Variants in RUNX1T1 observed in about 807,000 individuals in gnomAD.
RUNX1T1 encodes the protein RUNX1 partner transcriptional co-repressor 1.
A neutral mutation model predicts 62.8 loss-of-function variants in RUNX1T1; 4 were observed. The ratio of observed to expected loss-of-function variants is 0.06; its 90% CI spans 0.03 to 0.15. The LOEUF is 0.15. Ranked by LOEUF, RUNX1T1 falls within the 10% of genes least tolerant of loss-of-function variation. The probability of loss-of-function intolerance (pLI) is 1.00; values close to 1 mark genes in which losing one functional copy is unlikely to be tolerated. For synonymous variants in RUNX1T1, 291 were observed against 286.0 expected, an observed-to-expected ratio of 1.02 and a Z score of -0.18; for missense variants, 508 against 754.3, an observed-to-expected ratio of 0.67 and a Z score of 3.82.
intron 1 of RUNX1T1, among the ~76,000 whole-genome samples, chr8:92,083,653 G>C (rs187687746): frequency 6.6e-6 from 1 of 152,184 alleles, no homozygotes; most frequent in African/African-American, 2.4e-5. Flanking sequence ...TGTTGGTGGG[G>C]GTATAAATTA....
Position 91,959,426 on chromosome 8 carries a change from G to C in RUNX1T1, c.*816C>G, listed in dbSNP as rs1009680335. The C allele has an allele frequency of 4.3e-4, 40 of 93,110 alleles. 3 individuals carry two copies. The highest frequency in any genetic ancestry group is 2.8e-3 in the African/African-American group (33 of 11,880). 5.8% of individuals were successfully genotyped at this position (93,110 alleles called of 1,614,324 possible). On this transcript the variant is annotated 3_prime_UTR_variant, in exon 11 of 11. Coordinates refer to ENST00000396218, the Ensembl canonical transcript of RUNX1T1. ...GAGTCTCTTACTTGTGTGTGTGTGTGTGTGTGTGTGTGTGTGTGTGTGTGT... is the reference window on the plus strand; with the variant it reads ...GAGTCTCTTACTTGTGTGTGTGTGTCTGTGTGTGTGTGTGTGTGTGTGTGT...
At chr8:91,974,341 C>T (rs771694383) in intron 9 of RUNX1T1, among the ~76,000 whole-genome samples, 9 of 152,078 alleles carry the variant, frequency 5.9e-5, no homozygotes, top group Non-Finnish European at 1.0e-4. Context: ...TCTATTCTCA[C>T]TTAATAGCAG....
At chr8:92,055,544 C>G (rs933638538) in intron 1 of RUNX1T1, among the ~76,000 whole-genome samples, 1 of 152,118 alleles carries the variant, frequency 6.6e-6, no homozygotes. Context: ...TGGATGCAAG[C>G]GATCCTCTTG....
At chr8:91,969,163 A>G (rs1586728695) in intron 10 of RUNX1T1, among the ~76,000 whole-genome samples, 2 of 152,350 alleles carry the variant, frequency 1.3e-5, no homozygotes, top group African/African-American at 4.8e-5. Context: ...ACTGTTTAAC[A>G]GGGTTTATTT....
chr8:91,971,964 C>CA (rs1812932428), intron 9 of RUNX1T1, among the ~76,000 whole-genome samples: 1 of 152,074 alleles, frequency 6.6e-6, no homozygotes, highest in Non-Finnish European at 1.5e-5. Flanking sequence ...TTATTCAAAG[C>CA]AAAATGACAA....
At chr8:91,970,043 T>TGTGTGTGTGTGTTGTGTGTG (rs11374252) in intron 10 of RUNX1T1, among the ~76,000 whole-genome samples, 1,688 of 142,764 alleles carry the variant, frequency 0.012, 43 homozygotes, top group African/African-American at 0.042. Flanking sequence ...TGTGTGTGTG[T>TGTGTGTGTGTGTTGTGTGTG]TGTGTGTGTG....
chr8:92,020,957 CTTG>C (rs1488514127), intron 1 of RUNX1T1, among the ~76,000 whole-genome samples: 11 of 151,436 alleles, frequency 7.3e-5, no homozygotes, highest in Admixed American at 3.3e-4. Context: ...CTGCATTTTC[CTTG>C]TTTACATAGC....
chr8:91,977,978 G>C (rs1814354034), intron 8 of RUNX1T1, among the ~76,000 whole-genome samples: 1 of 151,988 alleles, frequency 6.6e-6, no homozygotes, highest in Non-Finnish European at 1.5e-5. Context: ...AGTAGAGATG[G>C]GGTTTCACCA....
chr8:91,956,624 C>G, downstream of RUNX1T1: 1 of 223,986 alleles, frequency 4.5e-6, no homozygotes, highest in Non-Finnish European at 8.9e-6. Context: ...AAACAAGAAA[C>G]CACAGTTCAG....
chr8:92,041,719 G>C (rs1415917975), intron 1 of RUNX1T1, among the ~76,000 whole-genome samples: 2 of 152,072 alleles, frequency 1.3e-5, no homozygotes, highest in African/African-American at 4.8e-5. Flanking sequence ...TCCAGCCTGG[G>C]TGACAGAGCA....
At chr8:92,058,357 T>A (rs934597397) in intron 1 of RUNX1T1, among the ~76,000 whole-genome samples, 1 of 152,190 alleles carries the variant, frequency 6.6e-6, no homozygotes, top group African/African-American at 2.4e-5. Context: ...CAAACAATTA[T>A]AAAATAAATT....
chr8:92,035,163 C>T (rs769104864), intron 1 of RUNX1T1, among the ~76,000 whole-genome samples: 51 of 151,854 alleles, frequency 3.4e-4, no homozygotes, highest in Non-Finnish European at 6.8e-4. Context: ...GGTGTGATGG[C>T]GGGCACCTGT....
At chr8:92,015,834 C>A (rs532645092) in intron 2 of RUNX1T1, among the ~76,000 whole-genome samples, 1 of 152,252 alleles carries the variant, frequency 6.6e-6, no homozygotes, top group African/African-American at 2.4e-5. Flanking sequence ...AACTGAGTAT[C>A]ATAATAACCT....
exon 11 of RUNX1T1, chr8:91,959,488 G>GTGTGTGTATATA (rs1405432738): frequency 3.5e-5 from 3 of 84,796 alleles, no homozygotes; most frequent in African/African-American, 1.5e-4. Flanking sequence ...GTGTGTGTGT[G>GTGTGTGTATATA]TATATATATA....
intron 1 of RUNX1T1, among the ~76,000 whole-genome samples, chr8:92,084,641 C>A (rs1222594772): frequency 6.6e-6 from 1 of 152,124 alleles, no homozygotes; most frequent in Admixed American, 6.5e-5. Context: ...CTGAATTGCA[C>A]GGATGATAGC....
intron 1 of RUNX1T1, among the ~76,000 whole-genome samples, chr8:92,082,541 A>G (rs1311864455): frequency 6.6e-6 from 1 of 152,148 alleles, no homozygotes. Context: ...GAGGCCCCAC[A>G]CACAGCTGTC....
At chr8:92,020,605 G>C (rs1379259803) in intron 1 of RUNX1T1, among the ~76,000 whole-genome samples, 2 of 151,982 alleles carry the variant, frequency 1.3e-5, no homozygotes, top group South Asian at 2.1e-4. Flanking sequence ...AAATAAAAAA[G>C]GGCTGACTTT....
chr8:92,071,748 C>T (rs565731249), intron 2 of RUNX1T1, among the ~76,000 whole-genome samples: 4 of 152,134 alleles, frequency 2.6e-5, no homozygotes, highest in Non-Finnish European at 5.9e-5. Flanking sequence ...GACTGTTTTG[C>T]TCTTCAGGTA....
chr8:92,000,300 C>CA (rs1254152679), intron 5 of RUNX1T1, among the ~76,000 whole-genome samples: 9 of 150,936 alleles, frequency 6.0e-5, no homozygotes, highest in Non-Finnish European at 1.0e-4. Context: ...AACTTCATCT[C>CA]AAAAAAAATA....
Sources: gnomAD v4.1 joint callset for allele counts (sites outside exome capture counted in the v4.1 genomes callset) on GRCh38, gnomAD v4.1.1 for gene constraint, MANE v1.5 for transcripts, NCBI Gene and HGNC (gene_info 2026-07-23, HGNC 2026-07-21) for gene names.